Variants in SYTL3 observed in about 807,000 individuals in gnomAD.
SYTL3 encodes synaptotagmin like 3.
In SYTL3, 88 loss-of-function variants were observed where a neutral mutation model predicts 82.1. The ratio of observed to expected loss-of-function variants is 1.07; its 90% CI spans 0.90 to 1.28. The LOEUF is 1.28. Ranked by LOEUF, SYTL3 falls within the 50% of genes most tolerant of loss-of-function variation. The pLI, the probability that SYTL3 is intolerant of heterozygous loss-of-function variation, is 0.00. For missense variants in SYTL3, 831 were observed against 757.6 expected, an observed-to-expected ratio of 1.10 and a Z score of -1.14; for synonymous variants, 311 against 289.4, an observed-to-expected ratio of 1.07 and a Z score of -0.76.
intron 10 of SYTL3, among the ~76,000 whole-genome samples, chr6:158,722,113 C>T (rs1304140107): frequency 6.6e-6 from 1 of 152,050 alleles, no homozygotes; most frequent in African/African-American, 2.4e-5. Flanking sequence ...CAAGTGGCTA[C>T]ACTGAGGCAC....
chr6:158,698,332 G>A (rs1780782253), intron 6 of SYTL3, among the ~76,000 whole-genome samples: 1 of 149,882 alleles, frequency 6.7e-6, no homozygotes, highest in South Asian at 2.1e-4. Context: ...AGGAGGCAGA[G>A]GCTGCAGTGA....
At chr6:158,661,838 T>C (rs1230850025) in intron 3 of SYTL3, among the ~76,000 whole-genome samples, 1 of 152,216 alleles carries the variant, frequency 6.6e-6, no homozygotes, top group Non-Finnish European at 1.5e-5. Context: ...CATCACTACT[T>C]TGAAATTCTG....
chr6:158,681,259 A>T (rs990843633), intron 5 of SYTL3, among the ~76,000 whole-genome samples: 2 of 152,154 alleles, frequency 1.3e-5, no homozygotes, highest in African/African-American at 4.8e-5. Context: ...TTGAGTATGG[A>T]TTCCCCCAGA....
chr6:158,701,811 G>T (rs1273644979), intron 6 of SYTL3, among the ~76,000 whole-genome samples: 1 of 152,000 alleles, frequency 6.6e-6, no homozygotes, highest in African/African-American at 2.4e-5. Flanking sequence ...TGAGGTGTCA[G>T]TGGGGCCATG....
At chr6:158,746,456 A>ATTATTATTATTATTATTATTATTATTAT (rs1554263756) in intron 12 of SYTL3, among the ~76,000 whole-genome samples, 1 of 138,640 alleles carries the variant, frequency 7.2e-6, no homozygotes, top group African/African-American at 2.6e-5. Flanking sequence ...AATAATAATA[A>ATTATTATTATTATTATTATTATTATTAT]TAATATTATT....
intron 11 of SYTL3, among the ~76,000 whole-genome samples, chr6:158,732,430 G>A (rs1785522286): frequency 6.6e-6 from 1 of 152,248 alleles, no homozygotes; most frequent in African/African-American, 2.4e-5. Context: ...AAAAGCGACT[G>A]TTACGCGTGT....
intron 10 of SYTL3, among the ~76,000 whole-genome samples, chr6:158,723,028 A>G (rs1469434839): frequency 6.6e-6 from 1 of 150,432 alleles, no homozygotes; most frequent in Non-Finnish European, 1.5e-5. Context: ...GGCTTCCCAA[A>G]GTGCCGGGAT....
intron 1 of SYTL3, among the ~76,000 whole-genome samples, chr6:158,650,694 G>C (rs1787884975): frequency 6.6e-6 from 1 of 151,820 alleles, no homozygotes; most frequent in African/African-American, 2.4e-5. Context: ...TGTAATCCCA[G>C]TACTTTGGGA....
chr6:158,745,851 A>G (rs6455601), intron 12 of SYTL3, among the ~76,000 whole-genome samples, 193 bp downstream of exon 12: 45,393 of 152,048 alleles, frequency 0.3, 7,389 homozygotes, highest in African/African-American at 0.42. Flanking sequence ...CAAGTCAGGA[A>G]AGTAGAATCA....
intron 13 of SYTL3, among the ~76,000 whole-genome samples, chr6:158,756,707 T>C (rs1789122152): frequency 8.1e-6 from 1 of 123,220 alleles, no homozygotes; most frequent in Admixed American, 9.2e-5. Flanking sequence ...CGAGATCCTG[T>C]CTCAAAAAAA....
chr6:158,680,781 T>G (rs549210070), intron 5 of SYTL3, among the ~76,000 whole-genome samples: 1 of 152,210 alleles, frequency 6.6e-6, no homozygotes, highest in African/African-American at 2.4e-5. Flanking sequence ...TTAAATGCTC[T>G]TTCTATATTT....
intron 4 of SYTL3, among the ~76,000 whole-genome samples, chr6:158,663,800 T>C (rs1789667418): frequency 6.6e-6 from 1 of 152,116 alleles, no homozygotes; most frequent in Non-Finnish European, 1.5e-5. Flanking sequence ...AGAAAGAGGC[T>C]CACAAGCAGC....
intron 14 of SYTL3, among the ~76,000 whole-genome samples, chr6:158,758,582 G>A (rs188662962): frequency 2.0e-4 from 30 of 152,254 alleles, no homozygotes; most frequent in African/African-American, 6.5e-4. Context: ...GCTGGGATTC[G>A]CATTATCTCT....
At chr6:158,712,790 G>C (rs1362289489) in intron 8 of SYTL3, among the ~76,000 whole-genome samples, 5 of 137,722 alleles carry the variant, frequency 3.6e-5, no homozygotes, top group Admixed American at 7.9e-5. Flanking sequence ...ACAGAGTCTC[G>C]CTCTATTGCC....
At chr6:158,654,838 G>A (rs1202960496) in intron 2 of SYTL3, among the ~76,000 whole-genome samples, 4 of 152,192 alleles carry the variant, frequency 2.6e-5, no homozygotes, top group Admixed American at 2.0e-4. Context: ...TCTCCACATG[G>A]CTGTAGGAGA....
At chr6:158,649,093 G>A (rs1355541225), upstream of SYTL3, among the ~76,000 whole-genome samples, 1 of 152,184 alleles carries the variant, frequency 6.6e-6, no homozygotes, top group East Asian at 1.9e-4. Context: ...GATAACTCGT[G>A]GTATAGCAGG....
chr6:158,663,549 G>A, intron 4 of SYTL3, 171 bp downstream of exon 4: 1 of 985,258 alleles, frequency 1.0e-6, no homozygotes, highest in African/African-American at 1.7e-5. Context: ...TCCTCCTTAT[G>A]TAACTAAACG....
rs541062604 is a variant in SYTL3 at position 158,756,471 on chromosome 6, A to T, written c.1138-740A>T. On this transcript the variant is annotated intron_variant, in intron 13 of 17. Coordinates refer to ENST00000611299, the MANE Select transcript of SYTL3 (RefSeq NM_001242394.2). The stretch of plus-strand genomic sequence containing the variant: ...ACGCCTGTAATCCCAGCAATTTGGG[A>T]GGCCGAGGCAGGTGGGTCATTTGAG... Among the ~76,000 whole-genome samples the T allele has an allele frequency of 6.6e-5, 10 of 152,280 alleles. No individual in the cohort carries two copies. In the South Asian group the frequency reaches 2.1e-3, roughly 32 times the overall value.
intron 5 of SYTL3, among the ~76,000 whole-genome samples, chr6:158,671,780 T>C (rs1381270004): frequency 2.0e-5 from 3 of 151,876 alleles, no homozygotes; most frequent in African/African-American, 7.3e-5. Flanking sequence ...AGCCAATCAT[T>C]TTGAAACCTC....
Sources: gnomAD v4.1 joint callset for allele counts (sites outside exome capture counted in the v4.1 genomes callset) on GRCh38, gnomAD v4.1.1 for gene constraint, MANE v1.5 for transcripts, NCBI Gene and HGNC (gene_info 2026-07-23, HGNC 2026-07-21) for gene names.